CDS1: variants seen among roughly 807,000 people sequenced by gnomAD.
CDS1 encodes phosphatidate cytidylyltransferase 1.
CDS1 carries 41 observed loss-of-function variants against 62.1 expected under a neutral mutation model. That is an observed-to-expected ratio of 0.66 (90% CI 0.51 to 0.86). The LOEUF (loss-of-function observed/expected upper bound fraction) is 0.86, where lower values mean the gene tolerates loss of function less well. Among genes scored for constraint, CDS1 ranks in the 40% least tolerant of loss-of-function variants. The pLI, the probability that CDS1 is intolerant of heterozygous loss-of-function variation, is 0.00. For missense variants in CDS1, 470 were observed against 550.1 expected (o/e 0.85, Z 1.46); for synonymous variants, 185 against 192.6 (o/e 0.96, Z 0.32).
intron 3 of CDS1, among the ~76,000 whole-genome samples, chr4:84,615,782 T>C (rs1174788628): frequency 6.6e-6 from 1 of 152,212 alleles, no homozygotes; most frequent in Admixed American, 6.5e-5. Context: ...GAAACATTAA[T>C]TGGGCCAACA....
At chr4:84,626,790 G>T (rs1429565187) in intron 5 of CDS1, among the ~76,000 whole-genome samples, 2 of 152,200 alleles carry the variant, frequency 1.3e-5, no homozygotes, top group Non-Finnish European at 2.9e-5. Context: ...TGCAGGCCTG[G>T]CATTGAGGGT....
At chr4:84,597,999 G>A (rs1012442585) in intron 1 of CDS1, among the ~76,000 whole-genome samples, 4 of 151,772 alleles carry the variant, frequency 2.6e-5, no homozygotes, top group African/African-American at 9.7e-5. Context: ...GGTGGCGGGC[G>A]CCTGTAGTCC....
intron 1 of CDS1, among the ~76,000 whole-genome samples, chr4:84,595,171 A>C (rs1722710778): frequency 6.6e-6 from 1 of 152,116 alleles, no homozygotes; most frequent in Non-Finnish European, 1.5e-5. Flanking sequence ...AAGGTGATAA[A>C]AGAAAGGGTA....
At chr4:84,588,252 G>A (rs1294976767) in intron 1 of CDS1, among the ~76,000 whole-genome samples, 4 of 152,174 alleles carry the variant, frequency 2.6e-5, no homozygotes, top group Non-Finnish European at 5.9e-5. Context: ...AGGGATTTTG[G>A]TTTGTGAAGT....
chr4:84,588,372 C>G (rs1722480563), intron 1 of CDS1, among the ~76,000 whole-genome samples: 1 of 152,182 alleles, frequency 6.6e-6, no homozygotes, highest in South Asian at 2.1e-4. Flanking sequence ...AATTTTGGAA[C>G]AACTTTGATT....
chr4:84,610,090 C>T (rs1280751228), intron 3 of CDS1, among the ~76,000 whole-genome samples: 3 of 151,782 alleles, frequency 2.0e-5, no homozygotes, highest in Non-Finnish European at 4.4e-5. Context: ...TTTCAAGGAA[C>T]TCAGTGTAAT....
At chr4:84,641,207 C>T (rs1724373672) in intron 10 of CDS1, among the ~76,000 whole-genome samples, 1 of 152,136 alleles carries the variant, frequency 6.6e-6, no homozygotes, top group Non-Finnish European at 1.5e-5. Flanking sequence ...GCTGGGATTA[C>T]AGGCGCTCGC....
chr4:84,599,113 C>A (rs1722841097), intron 1 of CDS1, among the ~76,000 whole-genome samples: 1 of 152,064 alleles, frequency 6.6e-6, no homozygotes, highest in Admixed American at 6.6e-5. Context: ...GCTGGACATT[C>A]AAGATAAACA....
At chr4:84,644,027 T>C (rs958237182) in intron 11 of CDS1, among the ~76,000 whole-genome samples, 2 of 152,078 alleles carry the variant, frequency 1.3e-5, no homozygotes, top group African/African-American at 4.8e-5. Context: ...AGAGGTTAAT[T>C]AGCCTGTTAG....
At position 84,617,632 on chromosome 4, in the gene CDS1, T is replaced by C. The variant is rs920554135; in HGVS notation, c.411T>C (p.Tyr137=). The C allele has an allele frequency of 3.8e-6, 6 of 1,570,606 alleles. No individual in the cohort carries two copies. Among genetic ancestry groups the C allele is most frequent in the Middle Eastern group, 1.7e-4 (1 of 5,970 alleles). Residue 137 remains tyrosine, a synonymous_variant, in exon 4 of 13, where the codon TAT becomes TAC. Transcript: ENST00000295887. ...TAGGTTATAGAGTCTATCATTCTTA[T>C]GATCTACCATGGTTTAGAACACTAA... The part of the protein sequence containing the change: ...ITIGYRVYHS[Y]DLPWFRTLSW...
At chr4:84,642,631 T>C (rs1453865573) in intron 10 of CDS1, among the ~76,000 whole-genome samples, 1 of 152,110 alleles carries the variant, frequency 6.6e-6, no homozygotes, top group Non-Finnish European at 1.5e-5. Context: ...TCATATAAAA[T>C]TAAGGTGAAA....
intron 1 of CDS1, among the ~76,000 whole-genome samples, chr4:84,591,328 A>T (rs1722585539): frequency 6.6e-6 from 1 of 152,224 alleles, no homozygotes; most frequent in East Asian, 1.9e-4. Flanking sequence ...AGTGTAAAGA[A>T]CATAGGTCAT....
intron 1 of CDS1, among the ~76,000 whole-genome samples, chr4:84,600,990 G>T (rs1217932811): frequency 6.6e-6 from 1 of 151,810 alleles, no homozygotes; most frequent in Non-Finnish European, 1.5e-5. Context: ...GAAACATGGT[G>T]ATACACCATT....
At chr4:84,645,391 TTGAG>T (rs987179882) in intron 12 of CDS1, 66 bp downstream of exon 12, 1 of 978,512 alleles carries the variant, frequency 1.0e-6, no homozygotes, top group Admixed American at 1.9e-5. Flanking sequence ...CAACATTAGT[TTGAG>T]TAAGTTAACT....
chr4:84,642,961 G>C lies in CDS1; in HGVS notation c.1033-63G>C, dbSNP rs1474134588. 7 of 1,481,782 alleles carry C rather than the reference G, an allele frequency of 4.7e-6. No individual in the cohort carries two copies. In the Admixed American group the frequency reaches 1.0e-4, roughly 22 times the overall value. 91.8% of individuals were successfully genotyped at this position (1,481,782 alleles called of 1,614,324 possible). Reference sequence around the variant, plus strand: ...TTACACAATGGTTCTTAGATCAGGTGGTATGCTCAAATACAATTTCAGTGA... The same window carrying C: ...TTACACAATGGTTCTTAGATCAGGTCGTATGCTCAAATACAATTTCAGTGA... On this transcript the variant is annotated intron_variant, in intron 10 of 12. Coordinates refer to ENST00000295887, the MANE Select transcript of CDS1 (RefSeq NM_001263.4).
intron 1 of CDS1, among the ~76,000 whole-genome samples, chr4:84,600,270 T>C (rs1447288262): frequency 6.6e-6 from 1 of 152,224 alleles, no homozygotes; most frequent in Admixed American, 6.5e-5. Flanking sequence ...ACAAGTCCTT[T>C]GTTAGATATG....
chr4:84,647,279 AT>A (rs1253290468), intron 12 of CDS1, among the ~76,000 whole-genome samples: 1 of 151,782 alleles, frequency 6.6e-6, no homozygotes, highest in Non-Finnish European at 1.5e-5. Context: ...TTATTGATCT[AT>A]TTGGGTATTA....
At chr4:84,586,673 T>TGG (rs1348975779) in intron 1 of CDS1, among the ~76,000 whole-genome samples, 1 of 152,174 alleles carries the variant, frequency 6.6e-6, no homozygotes, top group African/African-American at 2.4e-5. Context: ...GTCTGTGGCC[T>TGG]GGGGGTTGGG....
At position 84,609,536 on chromosome 4, in the gene CDS1, G is replaced by T. The variant is rs750565728; in HGVS notation, c.342+11G>T. 1.4e-6 allele frequency: 2 copies of T among 1,458,042 alleles called. No homozygotes were observed. The highest frequency in any genetic ancestry group is 1.7e-5 in the Admixed American group (1 of 59,002). 90.3% of individuals were successfully genotyped at this position (1,458,042 alleles called of 1,614,324 possible). A position where few individuals can be genotyped will look rare whatever the true frequency, so the allele number is the denominator to read the frequency against. ...ATGCTGATGCTTCTTGTAAGTTTTT[G>T]ACTTTTCCCTGAGTGTCTCTTGCTT... is the stretch of plus-strand genomic sequence containing the variant. On this transcript the variant is annotated intron_variant, in intron 3 of 12. Transcript: ENST00000295887.
Sources: allele counts gnomAD v4.1 joint callset (sites outside exome capture counted in the v4.1 genomes callset), GRCh38; gene constraint gnomAD v4.1.1; transcripts MANE v1.5; gene names NCBI Gene and HGNC (gene_info 2026-07-23, HGNC 2026-07-21).